FAM184B: variants seen among roughly 807,000 people sequenced by gnomAD.
The protein encoded by FAM184B is family with sequence similarity 184 member B, also known as protein FAM184B.
A neutral mutation model predicts 135.9 loss-of-function variants in FAM184B; 111 were observed. The observed-to-expected ratio is 0.82, with a 90% CI of 0.70 to 0.96. The LOEUF (loss-of-function observed/expected upper bound fraction) is 0.96. Among genes scored for constraint, FAM184B ranks in the 40% least tolerant of loss-of-function variants. The pLI, the probability that FAM184B is intolerant of heterozygous loss-of-function variation, is 0.00. For synonymous variants in FAM184B, 552 were observed against 524.8 expected (o/e 1.05, Z -0.71); for missense variants, 1,375 against 1,323.9 (o/e 1.04, Z -0.60).
intron 1 of FAM184B, among the ~76,000 whole-genome samples, chr4:17,751,709 A>G (rs1718295976): frequency 6.6e-6 from 1 of 152,066 alleles, no homozygotes; most frequent in African/African-American, 2.4e-5. Flanking sequence ...GCCCACAGTC[A>G]TAAGGACCAA....
At position 17,635,047 on chromosome 4, in the gene FAM184B, AAG is replaced by A; in HGVS notation, c.2849_2850del (p.Ser950PhefsTer47). ...SAMSHRNRSF[S>X]FNPHPGYLTP... ...GTCAAATATCCCGGGTGAGGATTGAAAGAGAAAGACCGATTCCGGTGGGACAT... is the reference window on the plus strand; with the variant it reads ...GTCAAATATCCCGGGTGAGGATTGAAAGAAAGACCGATTCCGGTGGGACAT... On this transcript the variant is annotated frameshift_variant, in exon 16 of 18. Coordinates refer to ENST00000265018, the MANE Select transcript of FAM184B (RefSeq NM_015688.2). LOFTEE classifies it high-confidence loss of function. 1.3e-6 allele frequency: 2 copies of A among 1,551,960 alleles called. No individual in the cohort carries two copies. Among genetic ancestry groups the A allele is most frequent in the Non-Finnish European group, 1.7e-6 (2 of 1,147,052 alleles).
At chr4:17,665,797 C>T (rs908223922) in intron 7 of FAM184B, among the ~76,000 whole-genome samples, 1 of 152,128 alleles carries the variant, frequency 6.6e-6, no homozygotes, top group Non-Finnish European at 1.5e-5. Context: ...ATCCAATGGT[C>T]GATTCTTGGG....
chr4:17,642,350 T>C (rs1715347630), intron 12 of FAM184B, 122 bp from the exon 13 acceptor site: 1 of 1,371,834 alleles, frequency 7.3e-7, no homozygotes, highest in Non-Finnish European at 9.4e-7. Flanking sequence ...CTGGAGCCTG[T>C]GGCAGGCTCC....
chr4:17,730,889 T>C (rs548569219), intron 1 of FAM184B, among the ~76,000 whole-genome samples: 2 of 152,236 alleles, frequency 1.3e-5, no homozygotes, highest in East Asian at 3.9e-4. Flanking sequence ...GAGAAGTCCT[T>C]AAAGGAGCTA....
intron 5 of FAM184B, among the ~76,000 whole-genome samples, chr4:17,697,811 G>A (rs1260840499): frequency 1.3e-5 from 2 of 152,128 alleles, no homozygotes; most frequent in Non-Finnish European, 2.9e-5. Context: ...GTCTACAAGT[G>A]ATTAATCATA....
At chr4:17,720,047 C>T (rs1021910870) in intron 1 of FAM184B, among the ~76,000 whole-genome samples, 29 of 152,324 alleles carry the variant, frequency 1.9e-4, no homozygotes, top group African/African-American at 6.0e-4. Context: ...AACTCCCATC[C>T]TTCACATAGG....
At position 17,773,600 on chromosome 4, in the gene FAM184B, G is replaced by A. The variant is rs183688895; in HGVS notation, c.141+7559C>T. Among the ~76,000 whole-genome samples, 549 of 152,172 alleles carry A rather than the reference G, an allele frequency of 3.6e-3. 3 individuals are homozygous for A. The highest frequency in any genetic ancestry group is 0.012 in the African/African-American group (479 of 41,506). On this transcript the variant is annotated intron_variant, in intron 1 of 17. Coordinates refer to ENST00000265018, the MANE Select transcript of FAM184B (RefSeq NM_015688.2). Reference sequence around the variant, plus strand: ...TTTTTTTCTTTTTTCTGTTTGAGACGGAGTTTCACTTTTGTTGCCCAGGCT... The same window carrying A: ...TTTTTTTCTTTTTTCTGTTTGAGACAGAGTTTCACTTTTGTTGCCCAGGCT...
At chr4:17,648,265 G>A (rs1715519879) in intron 11 of FAM184B, among the ~76,000 whole-genome samples, 1 of 152,128 alleles carries the variant, frequency 6.6e-6, no homozygotes, top group African/African-American at 2.4e-5. Flanking sequence ...GCCAGGCAAA[G>A]AACAGGAAAT....
intron 1 of FAM184B, among the ~76,000 whole-genome samples, chr4:17,768,258 G>A (rs564148555): frequency 6.6e-6 from 1 of 152,162 alleles, no homozygotes; most frequent in Non-Finnish European, 1.5e-5. Flanking sequence ...TTTGGCCTGT[G>A]GGCCATAGTT....
Position 17,709,463 on chromosome 4 carries a change from A to C in FAM184B, c.323T>G (p.Leu108Arg). ...CTCCGTCAGCCTCTTTTGCAGCTCC[A>C]GGGCGCTCTCCAGGGCCTGGATGCG... ...LQRIQALESA[L>R]ELQKRLTEEA... The change falls in exon 2 of 18, where the codon CTG becomes CGG. Residue 108 changes from leucine (L) to arginine (R), a missense_variant. Physicochemically the swap from Leu to Arg is moderately radical, Grantham distance 102. Transcript: ENST00000265018. 6.5e-7 allele frequency: 1 copy of C among 1,536,680 alleles called. No homozygotes were observed. Among genetic ancestry groups the C allele is most frequent in the Non-Finnish European group, 8.8e-7 (1 of 1,138,336 alleles).
At chr4:17,753,916 G>T (rs1317710537) in intron 1 of FAM184B, among the ~76,000 whole-genome samples, 1 of 152,212 alleles carries the variant, frequency 6.6e-6, no homozygotes, top group Non-Finnish European at 1.5e-5. Context: ...AAGAGGACTA[G>T]TGTATTATAG....
intron 1 of FAM184B, among the ~76,000 whole-genome samples, chr4:17,721,288 G>T (rs1717519614): frequency 6.7e-6 from 1 of 149,806 alleles, no homozygotes; most frequent in Non-Finnish European, 1.5e-5. Context: ...GGAGGCTGAG[G>T]CAGGAGAATG....
intron 7 of FAM184B, among the ~76,000 whole-genome samples, chr4:17,678,696 T>C (rs112169402): frequency 5.3e-4 from 80 of 151,738 alleles, no homozygotes; most frequent in African/African-American, 1.8e-3. Context: ...ATTCATATGG[T>C]AAAAAAAGGA....
chr4:17,753,404 T>C (rs1480777136), intron 1 of FAM184B, among the ~76,000 whole-genome samples: 1 of 152,214 alleles, frequency 6.6e-6, no homozygotes, highest in African/African-American at 2.4e-5. Flanking sequence ...ATGTATATTT[T>C]ATTGAACAAA....
chr4:17,719,498 G>A (rs1459926652), intron 1 of FAM184B, among the ~76,000 whole-genome samples: 4 of 152,168 alleles, frequency 2.6e-5, no homozygotes, highest in Non-Finnish European at 5.9e-5. Context: ...CAGAAAAAAA[G>A]GGACTACTGT....
intron 7 of FAM184B, among the ~76,000 whole-genome samples, chr4:17,677,583 T>A (rs1716341444): frequency 6.6e-6 from 1 of 152,168 alleles, no homozygotes; most frequent in Admixed American, 6.5e-5. Flanking sequence ...AGCTGAATTC[T>A]ATCAGACATT....
intron 13 of FAM184B, among the ~76,000 whole-genome samples, chr4:17,641,461 CTTTTTTTTTTTTTTTTTTTTTTTTTT>C (rs71167316): frequency 6.6e-5 from 3 of 45,646 alleles, no homozygotes; most frequent in African/African-American, 8.5e-5. Flanking sequence ...AGGACTCCCT[CTTTTTTTTTTTTTTTTTTTTTTTTTT>C]TTTTTTTTTG....
chr4:17,639,892 G>T (rs370796702), intron 13 of FAM184B, among the ~76,000 whole-genome samples: 1 of 151,134 alleles, frequency 6.6e-6, no homozygotes, highest in Non-Finnish European at 1.5e-5. Flanking sequence ...GCAATGGCAC[G>T]ATCTCGGCTC....
In FAM184B at chr4:17,630,910, C is replaced by G. The variant is rs1459752455; in HGVS notation, c.*1622G>C. 1.3e-5 allele frequency: 2 copies of G among 152,090 alleles called. No individual in the cohort carries two copies. Among genetic ancestry groups the G allele is most frequent in the East Asian group, 1.9e-4 (1 of 5,202 alleles). The allele number at this position is 152,090 out of a possible 1,614,324, so 9.4% of individuals were successfully genotyped here. The stretch of plus-strand genomic sequence containing the variant: ...CAACCATTTTTATTGCCCAGTTATT[C>G]AAAGTTTTATTCAAAGAGCAAAGAT... On this transcript the variant is annotated 3_prime_UTR_variant, in exon 18 of 18. Transcript: ENST00000265018.
Sources: allele counts gnomAD v4.1 joint callset (sites outside exome capture counted in the v4.1 genomes callset), GRCh38; gene constraint gnomAD v4.1.1; transcripts MANE v1.5; gene names NCBI Gene and HGNC (gene_info 2026-07-23, HGNC 2026-07-21).